The following RBFOX3 variants were observed in gnomAD, a reference collection of about 807,000 sequenced individuals.
RBFOX3 encodes RNA binding fox-1 homolog 3.
RBFOX3 carries 17 observed loss-of-function variants against 48.7 expected under a neutral mutation model. That is an observed-to-expected ratio of 0.35 (90% CI 0.24 to 0.52). The LOEUF (loss-of-function observed/expected upper bound fraction) is 0.52, where lower values mean the gene tolerates loss of function less well. Among genes scored for constraint, RBFOX3 ranks in the 20% least tolerant of loss-of-function variants. The probability of loss-of-function intolerance (pLI) is 0.94; values close to 1 mark genes in which losing one functional copy is unlikely to be tolerated. For synonymous variants in RBFOX3, 212 were observed against 209.5 expected, an observed-to-expected ratio of 1.01 and a Z score of -0.10; for missense variants, 382 against 497.5, an observed-to-expected ratio of 0.77 and a Z score of 2.21.
chr17:79,619,694 C>T, the RBFOX3 span, among the ~76,000 whole-genome samples: 2 of 152,104 alleles, frequency 1.3e-5, no homozygotes, highest in African/African-American at 4.8e-5. Context: ...GGGACTCAGG[C>T]AGGCTCCGGG....
At chr17:79,341,740 C>T (rs1426216984) in intron 2 of RBFOX3, among the ~76,000 whole-genome samples, 3 of 152,204 alleles carry the variant, frequency 2.0e-5, no homozygotes, top group African/African-American at 7.2e-5. Flanking sequence ...GAGTTCTGAG[C>T]TCCAGGCTCC....
intron 5 of RBFOX3, 128 bp from the exon 6 acceptor site, chr17:79,106,916 G>C (rs1483035872): frequency 7.9e-6 from 10 of 1,258,946 alleles, no homozygotes; most frequent in Non-Finnish European, 1.0e-5. Context: ...CCCCATCCCT[G>C]GGCTGGGATC....
chr17:79,239,170 T>G (rs2062013417), intron 3 of RBFOX3, among the ~76,000 whole-genome samples: 1 of 152,146 alleles, frequency 6.6e-6, no homozygotes, highest in African/African-American at 2.4e-5. Context: ...CCCCCTCCTC[T>G]TCTGCACTCC....
intron 1 of RBFOX3, among the ~76,000 whole-genome samples, chr17:79,537,412 G>C (rs1378926521): frequency 6.6e-6 from 1 of 152,136 alleles, no homozygotes; most frequent in Non-Finnish European, 1.5e-5. Flanking sequence ...GATGAAATCT[G>C]TAAAGACCCT....
chr17:79,351,264 G>T lies in RBFOX3; in HGVS notation c.-174-43440C>A, dbSNP rs2083891526. On this transcript the variant is annotated intron_variant, in intron 2 of 14. Transcript: ENST00000693108. ...AGTCGCTGTGTTCAATTCTCTGGGG[G>T]CATGTTCCTTGAAGTGGAAGTGCTG... Among the ~76,000 whole-genome samples the T allele has an allele frequency of 2.0e-5, 3 of 152,226 alleles. No individual in the cohort carries two copies. The South Asian group carries it at 6.2e-4, about 32-fold the overall frequency.
chr17:79,447,864 T>C (rs1043147087), intron 2 of RBFOX3, among the ~76,000 whole-genome samples: 4 of 152,308 alleles, frequency 2.6e-5, no homozygotes, highest in East Asian at 3.9e-4. Context: ...ATCCCTAATA[T>C]TGGGGGAGGG....
chr17:79,438,107 C>CAA (rs1340479606), intron 2 of RBFOX3, among the ~76,000 whole-genome samples: 5 of 140,682 alleles, frequency 3.6e-5, no homozygotes, highest in South Asian at 2.5e-4. Flanking sequence ...CACAGGCGCA[C>CAA]ACACACACAC....
intron 1 of RBFOX3, among the ~76,000 whole-genome samples, chr17:79,609,309 G>C (rs1335378868): frequency 6.6e-6 from 1 of 152,278 alleles, no homozygotes; most frequent in East Asian, 1.9e-4. Flanking sequence ...AGTGCCCGGG[G>C]CGCCCGGGTG....
At chr17:79,176,800 A>T (rs925166962) in intron 4 of RBFOX3, among the ~76,000 whole-genome samples, 3 of 152,118 alleles carry the variant, frequency 2.0e-5, no homozygotes, top group African/African-American at 7.2e-5. Flanking sequence ...TTAGGCAGGG[A>T]GGGAAGAAAA....
intron 2 of RBFOX3, among the ~76,000 whole-genome samples, chr17:79,415,194 C>T (rs998639867): frequency 1.1e-4 from 17 of 152,188 alleles, no homozygotes; most frequent in Non-Finnish European, 1.3e-4. Context: ...GTACCTGGGC[C>T]GAGGCCCAGC....
At chr17:79,354,707 G>T (rs981227164) in intron 2 of RBFOX3, among the ~76,000 whole-genome samples, 1 of 152,322 alleles carries the variant, frequency 6.6e-6, no homozygotes, top group Non-Finnish European at 1.5e-5. Flanking sequence ...CCCTCAGGAG[G>T]GTTTCCCTTC....
At chr17:79,651,466 C>T in the RBFOX3 span, among the ~76,000 whole-genome samples, 6 of 152,114 alleles carry the variant, frequency 3.9e-5, no homozygotes, top group Non-Finnish European at 8.8e-5. Flanking sequence ...ACCCCCGGGC[C>T]GTCCCCTCCC....
At chr17:79,536,358 C>T (rs1228617794) in intron 1 of RBFOX3, among the ~76,000 whole-genome samples, 8 of 152,234 alleles carry the variant, frequency 5.3e-5, no homozygotes, top group Non-Finnish European at 8.8e-5. Flanking sequence ...AGATGTGAGA[C>T]GTGGCACACA....
At chr17:79,275,305 G>C (rs2068577212) in intron 3 of RBFOX3, among the ~76,000 whole-genome samples, 1 of 151,978 alleles carries the variant, frequency 6.6e-6, no homozygotes, top group Non-Finnish European at 1.5e-5. Context: ...CCCTGTGTCT[G>C]GTTTTCTCTG....
Position 79,543,916 on chromosome 17 carries a change from C to G in RBFOX3, c.-319-61318G>C, listed in dbSNP as rs528924287. On this transcript the variant is annotated intron_variant, in intron 1 of 14. Coordinates refer to ENST00000693108, the MANE Select transcript of RBFOX3 (RefSeq NM_001350451.2). ...GGGATGCAGGGTGAGCCCCCTACCC[C>G]CCAGAGCCAGGGTGCCCACAAGCAG... Among the ~76,000 whole-genome samples the G allele has an allele frequency of 1.6e-4, 25 of 152,284 alleles. No homozygotes were observed. In the South Asian group the frequency reaches 5.2e-3, roughly 32 times the overall value.
intron 5 of RBFOX3, among the ~76,000 whole-genome samples, chr17:79,108,743 A>G (rs771981422): frequency 4.6e-5 from 7 of 152,238 alleles, no homozygotes; most frequent in Non-Finnish European, 1.0e-4. Flanking sequence ...ACCAGGCTCC[A>G]GGGCAGCAGG....
intron 4 of RBFOX3, among the ~76,000 whole-genome samples, chr17:79,122,843 C>G (rs2036126001): frequency 6.6e-6 from 1 of 151,816 alleles, no homozygotes; most frequent in Admixed American, 6.6e-5. Flanking sequence ...AAATGTGGTA[C>G]AGATACACAA....
chr17:79,094,255 C>A (rs1383189736), intron 14 of RBFOX3, 196 bp downstream of exon 14: 9 of 480,600 alleles, frequency 1.9e-5, no homozygotes, highest in Middle Eastern at 5.1e-4. Flanking sequence ...AGCCATTCAA[C>A]CTGCTTCCCC....
chr17:79,545,936 CTGTG>C (rs150310406), intron 1 of RBFOX3, among the ~76,000 whole-genome samples: 2 of 152,180 alleles, frequency 1.3e-5, no homozygotes, highest in Admixed American at 6.5e-5. Flanking sequence ...ATTGGAAAGA[CTGTG>C]TGTGTGTGCA....
Sources: gnomAD v4.1 joint callset for allele counts (sites outside exome capture counted in the v4.1 genomes callset) on GRCh38, gnomAD v4.1.1 for gene constraint, MANE v1.5 for transcripts, NCBI Gene and HGNC (gene_info 2026-07-23, HGNC 2026-07-21) for gene names.